SLC5A8: variants seen among roughly 807,000 people sequenced by gnomAD.
SLC5A8 encodes sodium-coupled monocarboxylate transporter 1.
In SLC5A8, 55 loss-of-function variants were observed where a neutral mutation model predicts 71.9. That is an observed-to-expected ratio of 0.77 (90% CI 0.62 to 0.96). The LOEUF (loss-of-function observed/expected upper bound fraction) is 0.96. SLC5A8 is among the 40% of genes least tolerant of loss of function. The probability of loss-of-function intolerance (pLI) is 0.00; values close to 1 mark genes in which losing one functional copy is unlikely to be tolerated. For synonymous variants in SLC5A8, 307 were observed against 276.1 expected, an observed-to-expected ratio of 1.11 and a Z score of -1.11; for missense variants, 701 against 745.3, an observed-to-expected ratio of 0.94 and a Z score of 0.69.
intron 10 of SLC5A8, 115 bp from the exon 11 acceptor site, chr12:101,168,297 A>G: frequency 7.2e-6 from 7 of 975,626 alleles, no homozygotes; most frequent in Non-Finnish European, 1.0e-5. Context: ...TGAAAATCAT[A>G]GTTTCAGTCA....
chr12:101,179,241 G>A (rs989071699), intron 10 of SLC5A8, among the ~76,000 whole-genome samples: 3 of 152,126 alleles, frequency 2.0e-5, no homozygotes, highest in African/African-American at 7.2e-5. Flanking sequence ...AAATAGTTTG[G>A]CAGTTTCTTT....
rs2051661172 is a variant in SLC5A8, at chr12:101,156,284, AGTGTAGTCATCTAACTCC to A, written c.*977_*994del. 1 of 152,230 alleles carries A rather than the reference AGTGTAGTCATCTAACTCC, an allele frequency of 6.6e-6. No individual in the cohort carries two copies. Among genetic ancestry groups the A allele is most frequent in the Non-Finnish European group, 1.5e-5 (1 of 68,034 alleles). The allele number at this position is 152,230 out of a possible 1,614,324, so 9.4% of individuals were successfully genotyped here. A position where few individuals can be genotyped will look rare whatever the true frequency, so the allele number is the denominator to read the frequency against. Reference sequence around the variant, plus strand: ...TCAAAAGTTCAACTTAATAGCATTAAGTGTAGTCATCTAACTCCATGGAGCTTAACCATTTTGAAGAAT... The same window carrying A: ...TCAAAAGTTCAACTTAATAGCATTAAATGGAGCTTAACCATTTTGAAGAAT... On this transcript the variant is annotated 3_prime_UTR_variant, in exon 15 of 15. Transcript: ENST00000536262.
At chr12:101,159,464 G>A (rs971928646) in intron 13 of SLC5A8, among the ~76,000 whole-genome samples, 1 of 152,136 alleles carries the variant, frequency 6.6e-6, no homozygotes, top group East Asian at 1.9e-4. Context: ...GTGCTGAAAC[G>A]CCAACCAAGT....
At chr12:101,183,669 C>A (rs1042437860) in intron 8 of SLC5A8, among the ~76,000 whole-genome samples, 1 of 152,062 alleles carries the variant, frequency 6.6e-6, no homozygotes, top group African/African-American at 2.4e-5. Context: ...AATAACAATT[C>A]TCTGGAACAA....
At chr12:101,165,143 TGGCCAGC>T (rs1456161016) in intron 12 of SLC5A8, among the ~76,000 whole-genome samples, 15 of 152,164 alleles carry the variant, frequency 9.9e-5, no homozygotes, top group African/African-American at 3.6e-4. Context: ...ACTAAATAAA[TGGCCAGC>T]ACAGTGCTGG....
intron 1 of SLC5A8, among the ~76,000 whole-genome samples, chr12:101,207,335 T>G (rs925822723): frequency 1.3e-5 from 2 of 152,236 alleles, no homozygotes; most frequent in African/African-American, 4.8e-5. Flanking sequence ...TAGCTTAACT[T>G]ACTCTGAGTC....
chr12:101,156,166 T>G lies in SLC5A8; in HGVS notation c.*1113A>C, dbSNP rs1026527907. 1 of 152,160 alleles carries G rather than the reference T, an allele frequency of 6.6e-6. No individual in the cohort carries two copies. The highest frequency in any genetic ancestry group is 1.5e-5 in the Non-Finnish European group (1 of 68,026). 9.4% of individuals were successfully genotyped at this position (152,160 alleles called of 1,614,324 possible). On this transcript the variant is annotated 3_prime_UTR_variant, in exon 15 of 15. Coordinates refer to ENST00000536262, the MANE Select transcript of SLC5A8 (RefSeq NM_145913.5). ...ACGTTTTAAAAAAAGTAGTGTTTGC[T>G]TATATAATTTAGCCCTTTAACTGGA...
intron 13 of SLC5A8, among the ~76,000 whole-genome samples, chr12:101,158,616 A>C (rs1163814712): frequency 2.7e-4 from 34 of 125,006 alleles, no homozygotes; most frequent in Non-Finnish European, 4.9e-4. Flanking sequence ...ATATATATAT[A>C]TATATATATA....
At chr12:101,207,468 T>A (rs1203759455) in intron 1 of SLC5A8, among the ~76,000 whole-genome samples, 1 of 152,214 alleles carries the variant, frequency 6.6e-6, no homozygotes, top group African/African-American at 2.4e-5. Flanking sequence ...CAGCATTCAA[T>A]GAACTTTTGC....
intron 9 of SLC5A8, among the ~76,000 whole-genome samples, chr12:101,181,869 T>C (rs1448027475): frequency 1.3e-5 from 2 of 152,216 alleles, no homozygotes; most frequent in Non-Finnish European, 2.9e-5. Flanking sequence ...AATTAAGGAC[T>C]CATTTCAGGC....
At chr12:101,194,299 C>T (rs1869063111) in intron 4 of SLC5A8, among the ~76,000 whole-genome samples, 2 of 152,146 alleles carry the variant, frequency 1.3e-5, no homozygotes, top group Admixed American at 1.3e-4. Flanking sequence ...TGGCTGAGGG[C>T]CCCATCTTCT....
intron 10 of SLC5A8, among the ~76,000 whole-genome samples, chr12:101,170,467 G>A (rs2051818445): frequency 6.6e-6 from 1 of 152,114 alleles, no homozygotes; most frequent in Non-Finnish European, 1.5e-5. Flanking sequence ...GGTACAGGGT[G>A]AGTTCCCTAA....
chr12:101,200,173 C>T (rs979396776), intron 3 of SLC5A8, among the ~76,000 whole-genome samples: 3 of 150,878 alleles, frequency 2.0e-5, no homozygotes, highest in African/African-American at 7.3e-5. Context: ...AATCTAACAA[C>T]AGGGAAAACT....
intron 9 of SLC5A8, among the ~76,000 whole-genome samples, chr12:101,180,723 A>C (rs931527291): frequency 6.6e-6 from 1 of 151,912 alleles, no homozygotes; most frequent in African/African-American, 2.4e-5. Context: ...TCTTTAAAAA[A>C]ATTTTTTTTT....
chr12:101,162,935 T>G (rs536387042), intron 12 of SLC5A8, among the ~76,000 whole-genome samples: 1 of 152,078 alleles, frequency 6.6e-6, no homozygotes, highest in Non-Finnish European at 1.5e-5. Flanking sequence ...GAAAGTGCTG[T>G]AAGGAAAGTA....
At chr12:101,182,675 G>A (rs533656820) in intron 9 of SLC5A8, 128 bp downstream of exon 9, 5 of 615,864 alleles carry the variant, frequency 8.1e-6, no homozygotes. Context: ...ATTGTCATAG[G>A]CATACATATG....
In SLC5A8 at chr12:101,170,069, A is replaced by C. The variant is rs2051814298; in HGVS notation, c.1234-1887T>G. On this transcript the variant is annotated intron_variant, in intron 10 of 14. Transcript: ENST00000536262. The stretch of plus-strand genomic sequence containing the variant: ...TTAGGCAGTGGACGAGGTAGAGAGG[A>C]AGGTGTTGCAGGCAGAGGGAGAAGT... 2.0e-5 allele frequency among the ~76,000 whole-genome samples: 3 copies of C among 152,214 alleles called. No individual in the cohort carries two copies. The South Asian group carries it at 6.2e-4, about 31-fold the overall frequency.
chr12:101,175,732 AG>A (rs2051874173), intron 10 of SLC5A8, among the ~76,000 whole-genome samples: 1 of 152,126 alleles, frequency 6.6e-6, no homozygotes, highest in African/African-American at 2.4e-5. Context: ...AAAAGAAAGT[AG>A]AAAAATATTT....
At chr12:101,159,305 C>T (rs1049861832) in intron 13 of SLC5A8, among the ~76,000 whole-genome samples, 2 of 152,122 alleles carry the variant, frequency 1.3e-5, no homozygotes, top group East Asian at 1.9e-4. Flanking sequence ...TTATTGAGTA[C>T]CTACTGTGTG....
Sources: gnomAD v4.1 joint callset for allele counts (sites outside exome capture counted in the v4.1 genomes callset) on GRCh38, gnomAD v4.1.1 for gene constraint, MANE v1.5 for transcripts, NCBI Gene and HGNC (gene_info 2026-07-23, HGNC 2026-07-21) for gene names.